The following UTY variants were observed in gnomAD, a reference collection of about 807,000 sequenced individuals.
The protein encoded by UTY is histone demethylase UTY.
Under a neutral mutation model 32.5 loss-of-function variants are expected in UTY, and 12 were observed. That is an observed-to-expected ratio of 0.37 (90% CI 0.24 to 0.60). The LOEUF (loss-of-function observed/expected upper bound fraction) is 0.60, where lower values mean the gene tolerates loss of function less well. UTY is among the 20% of genes least tolerant of loss of function. The probability of loss-of-function intolerance (pLI) is 0.69; values close to 1 mark genes in which losing one functional copy is unlikely to be tolerated. For missense variants in UTY, 303 were observed against 299.2 expected (o/e 1.01, Z -0.09); for synonymous variants, 131 against 103.4 (o/e 1.27, Z -1.62).
chrY:13,473,623 G>A, intron 2 of UTY, among the ~76,000 whole-genome samples: 1 of 32,799 alleles, frequency 3.0e-5, no homozygotes, highest in Admixed American at 2.8e-4. Context: ...TGCAATTTTC[G>A]AGAAAGTAAG....
chrY:13,323,621 A>C lies in UTY; in HGVS notation c.3210T>G (p.Asn1070Lys). 2.5e-6 allele frequency: 1 copy of C among 398,097 alleles called. No homozygotes were observed. The highest frequency in any genetic ancestry group is 3.0e-5 in the South Asian group (1 of 33,762). Residue 1070 changes from asparagine to lysine, a missense_variant, in exon 21 of 30, where the codon AAT becomes AAG. By Grantham distance (94) the Asn-to-Lys change is moderately conservative (BLOSUM62 0). Coordinates refer to ENST00000545955, the MANE Select transcript of UTY (RefSeq NM_001258249.2). ...GTKKIWRCES[N>K]RSHTTIAKYA... ...ATTTGGCAATTGTAGTATGAGATCT[A>C]TTGCTTTCACAACGCCAGATTTTCT...
At chrY:13,422,904 AC>A in intron 4 of UTY, among the ~76,000 whole-genome samples, 1 of 33,895 alleles carries the variant, frequency 3.0e-5, no homozygotes, top group Non-Finnish European at 7.3e-5. Flanking sequence ...TGTCTACAAA[AC>A]CAAGATCCAT....
At position 13,479,565 on chromosome Y, in the gene UTY, T is replaced by C. The variant is rs9341273; in HGVS notation, c.101A>G (p.Glu34Gly). 357 of 396,371 alleles carry C rather than the reference T, an allele frequency of 9.0e-4. No individual in the cohort carries two copies. Among genetic ancestry groups the C allele is most frequent in the East Asian group, 7.7e-3 (82 of 10,708 alleles). Reference sequence around the variant, plus strand: ...TTCCTCGACTGTCAGGCTAACAGACTCCTCTTCACTCTCGCGGCTCGCTTT... The same window carrying C: ...TTCCTCGACTGTCAGGCTAACAGACCCCTCTTCACTCTCGCGGCTCGCTTT... Reference protein sequence around the residue: ...EGKASRESEEESVSLTVEERE... With the variant: ...EGKASRESEEGSVSLTVEERE... Residue 34 changes from glutamate (E) to glycine (G), a missense_variant, in exon 1 of 30, where the codon GAG becomes GGG. Physicochemically the swap from Glu to Gly is moderately conservative, Grantham distance 98. Transcript: ENST00000545955.
Position 13,326,316 on chromosome Y carries a change from T to C in UTY, c.2869A>G (p.Ile957Val). Reference protein sequence around the residue: ...PGKNGLSNSCILLDKCPPPRP... With the variant: ...PGKNGLSNSCVLLDKCPPPRP... Reference sequence around the variant, plus strand: ...GGAGGTGGACATTTATCTAACAAAATGCAGCTATTAGACAAGCCATTTTTA... The same window carrying C: ...GGAGGTGGACATTTATCTAACAAAACGCAGCTATTAGACAAGCCATTTTTA... The change falls in exon 19 of 30, where the codon ATT (isoleucine) becomes GTT (valine). Residue 957 changes from isoleucine to valine, a missense_variant. Ile to Val is a conservative substitution (Grantham distance 29). Coordinates refer to ENST00000545955, the MANE Select transcript of UTY (RefSeq NM_001258249.2). The C allele has an allele frequency of 2.5e-6, 1 of 397,211 alleles. No individual in the cohort carries two copies. Among genetic ancestry groups the C allele is most frequent in the Non-Finnish European group, 3.5e-6 (1 of 282,422 alleles).
chrY:13,479,977 G>A lies in UTY; in HGVS notation c.-312C>T. ...TAATTGTGTCACGGGCGAACCCCAC[G>A]CAGCCGCCGCGACCTCCCCGCTCCC... On this transcript the variant is annotated 5_prime_UTR_variant, in exon 1 of 30. Coordinates refer to ENST00000545955, the MANE Select transcript of UTY (RefSeq NM_001258249.2). 1 of 96,785 alleles carries A rather than the reference G, an allele frequency of 1.0e-5. No individual in the cohort carries two copies. Among genetic ancestry groups the A allele is most frequent in the Admixed American group, 1.7e-4 (1 of 5,875 alleles). 24.1% of individuals were successfully genotyped at this position (96,785 alleles called of 400,897 possible).
intron 21 of UTY, among the ~76,000 whole-genome samples, chrY:13,320,610 G>A: frequency 3.0e-5 from 1 of 33,469 alleles, no homozygotes; most frequent in Admixed American, 2.8e-4. Flanking sequence ...TTGTTTCTCA[G>A]AGTCAAGAAA....
chrY:13,393,960 G>A, intron 7 of UTY, 67 bp from the exon 8 acceptor site: 1 of 239,729 alleles, frequency 4.2e-6, no homozygotes, highest in East Asian at 1.2e-4. Context: ...CAAAAAGTAG[G>A]GATAATATAA....
intron 17 of UTY, among the ~76,000 whole-genome samples, chrY:13,339,229 C>G (rs2061331430): frequency 3.0e-5 from 1 of 33,434 alleles, no homozygotes; most frequent in Non-Finnish European, 7.4e-5. Context: ...GGGGCTTTGT[C>G]TGGGATTGGA....
At chrY:13,259,322 A>G (rs2055089062) in intron 28 of UTY, among the ~76,000 whole-genome samples, 1 of 33,945 alleles carries the variant, frequency 2.9e-5, no homozygotes, top group African/African-American at 1.2e-4. Context: ...TAATTCCTCT[A>G]TGTAAGCTGG....
intron 6 of UTY, among the ~76,000 whole-genome samples, chrY:13,405,598 T>A: frequency 1.2e-4 from 4 of 32,921 alleles, no homozygotes; most frequent in African/African-American, 3.5e-4. Flanking sequence ...CACAAAGAAA[T>A]GTCTGAGGTG....
intron 5 of UTY, among the ~76,000 whole-genome samples, chrY:13,411,460 T>C: frequency 3.0e-5 from 1 of 33,615 alleles, no homozygotes. Context: ...GCCAACTTTT[T>C]AAAACTTTAT....
chrY:13,343,550 G>C (rs930662939), intron 17 of UTY, among the ~76,000 whole-genome samples: 1 of 33,109 alleles, frequency 3.0e-5, no homozygotes, highest in Non-Finnish European at 7.4e-5. Context: ...AAGCCAAAAA[G>C]ACTTAAAGGA....
At chrY:13,437,783 A>C in intron 4 of UTY, among the ~76,000 whole-genome samples, 1 of 33,252 alleles carries the variant, frequency 3.0e-5, no homozygotes, top group African/African-American at 1.2e-4. Context: ...TCTACATCTG[A>C]CCCACAGGCA....
chrY:13,403,847 T>C, intron 6 of UTY, among the ~76,000 whole-genome samples: 1 of 32,871 alleles, frequency 3.0e-5, no homozygotes, highest in Non-Finnish European at 7.4e-5. Context: ...ATTCCACGCG[T>C]TGTACTATGA....
chrY:13,290,983 C>A (rs2148674672), intron 27 of UTY, among the ~76,000 whole-genome samples: 1 of 30,517 alleles, frequency 3.3e-5, no homozygotes, highest in Admixed American at 3.0e-4. Context: ...CGGGTTCAAG[C>A]GATTTCTCCT....
intron 28 of UTY, among the ~76,000 whole-genome samples, chrY:13,252,099 G>A (rs2148356800): frequency 3.9e-4 from 10 of 25,376 alleles, no homozygotes; most frequent in Middle Eastern, 0.017. Flanking sequence ...AGGATGGCGT[G>A]AACCCGGGAG....
chrY:13,424,760 A>G (rs2073078940), intron 4 of UTY, among the ~76,000 whole-genome samples: 1 of 33,660 alleles, frequency 3.0e-5, no homozygotes, highest in Admixed American at 2.6e-4. Flanking sequence ...GCCTAGGCCC[A>G]GGAGTTCAAG....
intron 28 of UTY, among the ~76,000 whole-genome samples, chrY:13,254,343 A>C: frequency 3.0e-5 from 1 of 33,518 alleles, no homozygotes; most frequent in Non-Finnish European, 7.4e-5. Context: ...ATGTAGAAAA[A>C]AATCAGCGAG....
intron 4 of UTY, among the ~76,000 whole-genome samples, chrY:13,428,999 C>T: frequency 1.2e-4 from 4 of 33,972 alleles, no homozygotes; most frequent in Non-Finnish European, 2.2e-4. Flanking sequence ...CACAGAAATG[C>T]TACTGAATTT....
Sources: allele counts gnomAD v4.1 joint callset (sites outside exome capture counted in the v4.1 genomes callset), GRCh38; gene constraint gnomAD v4.1.1; transcripts MANE v1.5; gene names NCBI Gene and HGNC (gene_info 2026-07-23, HGNC 2026-07-21).